Variants in ARMH4 observed in about 807,000 individuals in gnomAD.
The protein encoded by ARMH4 is armadillo like helical domain containing 4.
Under a neutral mutation model 61.9 loss-of-function variants are expected in ARMH4, and 49 were observed. The ratio of observed to expected loss-of-function variants is 0.79; its 90% CI spans 0.63 to 1.00. ARMH4 has a LOEUF of 1.00. Among genes scored for constraint, ARMH4 ranks in the 50% least tolerant of loss-of-function variants. ARMH4 has a pLI of 0.00. For missense variants in ARMH4, 934 were observed against 930.0 expected (o/e 1.00, Z -0.06); for synonymous variants, 368 against 341.5 (o/e 1.08, Z -0.85).
chr14:58,030,975 T>G (rs758514897), intron 5 of ARMH4, among the ~76,000 whole-genome samples: 2 of 152,210 alleles, frequency 1.3e-5, no homozygotes, highest in Non-Finnish European at 1.5e-5. Flanking sequence ...CTTTCAATTT[T>G]TTTGTATATA....
In ARMH4 at chr14:58,138,391, C is replaced by T; in HGVS notation, c.968G>A (p.Ser323Asn). 1 of 1,614,190 alleles carries T rather than the reference C, an allele frequency of 6.2e-7. No homozygotes were observed. The highest frequency in any genetic ancestry group is 8.5e-7 in the Non-Finnish European group (1 of 1,180,038). ...EWDDTKLESV[S>N]RIRTPKLGDN... is the part of the protein sequence containing the mutation. ...TCCAAGCTTGGGGGTCCTTATCCGGCTTACACTCTCTAATTTGGTGTCATC... is the reference window on the plus strand; with the variant it reads ...TCCAAGCTTGGGGGTCCTTATCCGGTTTACACTCTCTAATTTGGTGTCATC... The change falls in exon 2 of 8, where the codon AGC becomes AAC. Residue 323 changes from serine to asparagine, a missense_variant. Coordinates refer to ENST00000267485, the MANE Select transcript of ARMH4 (RefSeq NM_001001872.4).
At chr14:58,131,112 T>C (rs1887079612) in intron 4 of ARMH4, 1 of 180,178 alleles carries the variant, frequency 5.6e-6, no homozygotes, top group South Asian at 1.2e-4. Context: ...TCATAAATGT[T>C]TCAGGCTTTG....
intron 5 of ARMH4, among the ~76,000 whole-genome samples, chr14:58,084,753 T>A (rs750857199): frequency 7.9e-5 from 12 of 152,210 alleles, no homozygotes; most frequent in Non-Finnish European, 1.8e-4. Context: ...GGGTCTTTAA[T>A]CTGTTTGTAA....
At chr14:58,053,497 C>T (rs577122317) in intron 5 of ARMH4, among the ~76,000 whole-genome samples, 2 of 152,178 alleles carry the variant, frequency 1.3e-5, no homozygotes, top group Non-Finnish European at 2.9e-5. Flanking sequence ...TAGATCAATT[C>T]CCTTCCTCAG....
Position 58,078,503 on chromosome 14 carries a change from T to C in ARMH4, c.2089+18221A>G, listed in dbSNP as rs542579079. On this transcript the variant is annotated intron_variant, in intron 5 of 7. Transcript: ENST00000267485. ...TGTAGCAGTCACTGCTGGTTGCCTA[T>C]CCAACAGCCACTCACTCTTTCCTTG... 9.1e-4 allele frequency among the ~76,000 whole-genome samples: 138 copies of C among 152,234 alleles called. 1 individual carries two copies. The highest frequency in any genetic ancestry group is 3.3e-3 in the African/African-American group (135 of 41,532).
At chr14:58,032,083 G>A (rs1883256881) in intron 5 of ARMH4, among the ~76,000 whole-genome samples, 1 of 151,890 alleles carries the variant, frequency 6.6e-6, no homozygotes, top group Non-Finnish European at 1.5e-5. Flanking sequence ...TCTTCTCCCG[G>A]CTCACTCCCA....
intron 5 of ARMH4, among the ~76,000 whole-genome samples, chr14:58,089,330 A>G (rs548243631): frequency 6.6e-6 from 1 of 152,212 alleles, no homozygotes; most frequent in African/African-American, 2.4e-5. Flanking sequence ...TCTGTGTTGC[A>G]CTATATTAAG....
chr14:58,075,832 C>T (rs1202696609), intron 5 of ARMH4, among the ~76,000 whole-genome samples: 5 of 152,086 alleles, frequency 3.3e-5, no homozygotes, highest in African/African-American at 1.2e-4. Flanking sequence ...CTTGGCTCTG[C>T]CATTTACTGA....
rs143039345 is a variant in ARMH4, at chr14:58,138,842, C to T, written c.517G>A (p.Val173Ile). Residue 173 changes from valine to isoleucine, a missense_variant, in exon 2 of 8, where the codon GTA (valine) becomes ATA (isoleucine). Transcript: ENST00000267485. ...TTTGTGGTTTCTGTGATCTCTTCTA[C>T]AATGGGCTGAAAGTTAGTGCTTGTA... ...LLTSTNFQPI[V>I]EEITETTKGF... is the part of the protein sequence containing the mutation. The T allele has an allele frequency of 3.7e-6, 6 of 1,614,222 alleles. No individual in the cohort carries two copies. Among genetic ancestry groups the T allele is most frequent in the East Asian group, 2.2e-5 (1 of 44,890 alleles).
chr14:58,048,130 C>G (rs1056424595), intron 5 of ARMH4, among the ~76,000 whole-genome samples: 1 of 152,106 alleles, frequency 6.6e-6, no homozygotes, highest in East Asian at 1.9e-4. Flanking sequence ...ATACATGTTG[C>G]CCAAAAGGAC....
chr14:58,030,294 C>A (rs1430304767), intron 5 of ARMH4, among the ~76,000 whole-genome samples: 2 of 152,162 alleles, frequency 1.3e-5, no homozygotes, highest in South Asian at 4.1e-4. Context: ...TACAGGCAGG[C>A]CAGCCAGCCT....
chr14:58,118,499 T>C (rs1211159872), intron 4 of ARMH4, among the ~76,000 whole-genome samples: 2 of 9,752 alleles, frequency 2.1e-4, no homozygotes, highest in Non-Finnish European at 3.9e-4. Flanking sequence ...GGCTCTTCTA[T>C]GCGGGGGCGG....
At chr14:58,116,665 G>C (rs111997807) in intron 4 of ARMH4, among the ~76,000 whole-genome samples, 2,412 of 152,256 alleles carry the variant, frequency 0.016, 68 homozygotes, top group African/African-American at 0.055. Context: ...AATAGAGTGA[G>C]ACCTTGTCTC....
chr14:58,150,824 T>C (rs1270279442), intron 1 of ARMH4, among the ~76,000 whole-genome samples: 1 of 152,242 alleles, frequency 6.6e-6, no homozygotes, highest in Non-Finnish European at 1.5e-5. Context: ...AGCAATGTTC[T>C]GATACTGTGA....
intron 5 of ARMH4, among the ~76,000 whole-genome samples, chr14:58,064,987 T>C (rs1324140059): frequency 6.6e-6 from 1 of 152,194 alleles, no homozygotes; most frequent in East Asian, 1.9e-4. Context: ...TTTATGCCTG[T>C]AATCCCAGCA....
chr14:58,119,593 C>G (rs1886652960), intron 4 of ARMH4, among the ~76,000 whole-genome samples: 1 of 152,252 alleles, frequency 6.6e-6, no homozygotes. Context: ...CAGGGATTCT[C>G]AACCCTGGAG....
At chr14:58,128,449 C>T (rs190491965) in intron 4 of ARMH4, among the ~76,000 whole-genome samples, 2 of 152,178 alleles carry the variant, frequency 1.3e-5, no homozygotes, top group Admixed American at 6.5e-5. Context: ...ATACAGCCCT[C>T]GTAGAGGTAT....
chr14:58,057,915 T>C (rs1370691200), intron 5 of ARMH4, among the ~76,000 whole-genome samples: 2 of 152,154 alleles, frequency 1.3e-5, no homozygotes, highest in Admixed American at 1.3e-4. Flanking sequence ...CCTATTTGAG[T>C]ACGGCAACAC....
At chr14:58,044,748 A>T (rs543802902) in intron 5 of ARMH4, among the ~76,000 whole-genome samples, 3 of 152,328 alleles carry the variant, frequency 2.0e-5, no homozygotes, top group East Asian at 1.9e-4. Flanking sequence ...GAATCTACAA[A>T]GAACTCAAAC....
Sources: gnomAD v4.1 joint callset for allele counts (sites outside exome capture counted in the v4.1 genomes callset) on GRCh38, gnomAD v4.1.1 for gene constraint, MANE v1.5 for transcripts, NCBI Gene and HGNC (gene_info 2026-07-23, HGNC 2026-07-21) for gene names.